Variants in FANCC observed in about 807,000 individuals in gnomAD.
FANCC encodes FA complementation group C.
FANCC carries 55 observed loss-of-function variants against 71.3 expected under a neutral mutation model. The observed-to-expected ratio is 0.77, with a 90% CI of 0.62 to 0.97. The LOEUF is 0.97. FANCC is among the 50% of genes least tolerant of loss of function. The pLI, the probability that FANCC is intolerant of heterozygous loss-of-function variation, is 0.00. For synonymous variants in FANCC, 275 were observed against 244.9 expected (o/e 1.12, Z -1.15); for missense variants, 678 against 670.9 (o/e 1.01, Z -0.12).
intron 4 of FANCC, among the ~76,000 whole-genome samples, chr9:95,183,051 A>G (rs1826476316): frequency 6.6e-6 from 1 of 152,108 alleles, no homozygotes; most frequent in African/African-American, 2.4e-5. Flanking sequence ...ACTTGGTGAC[A>G]TCAGACTCCT....
chr9:95,230,943 T>C (rs1045991926), intron 4 of FANCC, among the ~76,000 whole-genome samples: 1 of 151,870 alleles, frequency 6.6e-6, no homozygotes, highest in South Asian at 2.1e-4. Flanking sequence ...AGAGTGCTGA[T>C]TGGTGTGTTT....
intron 4 of FANCC, among the ~76,000 whole-genome samples, chr9:95,228,610 A>T (rs965889632): frequency 3.3e-5 from 5 of 152,180 alleles, no homozygotes; most frequent in African/African-American, 1.2e-4. Flanking sequence ...GGTAATGGGG[A>T]GACAGAAAAA....
intron 1 of FANCC, among the ~76,000 whole-genome samples, chr9:95,312,379 T>A (rs1472879592): frequency 2.0e-5 from 3 of 152,214 alleles, no homozygotes; most frequent in Non-Finnish European, 2.9e-5. Context: ...ATTTTCTTTT[T>A]TAGAGAGAGG....
At chr9:95,285,968 T>C (rs1219428433) in intron 1 of FANCC, among the ~76,000 whole-genome samples, 1 of 152,210 alleles carries the variant, frequency 6.6e-6, no homozygotes, top group African/African-American at 2.4e-5. Flanking sequence ...AATTATATAA[T>C]TTGTAATACA....
chr9:95,243,118 A>C (rs949502438), intron 3 of FANCC, among the ~76,000 whole-genome samples: 1 of 152,232 alleles, frequency 6.6e-6, no homozygotes, highest in Non-Finnish European at 1.5e-5. Flanking sequence ...AAAAGTATGA[A>C]GGCAGCAAAT....
At chr9:95,155,450 T>C (rs749761517) in intron 6 of FANCC, among the ~76,000 whole-genome samples, 8 of 152,206 alleles carry the variant, frequency 5.3e-5, no homozygotes, top group East Asian at 1.9e-4. Context: ...AAGTAGCTCA[T>C]TAAAAACTAA....
intron 1 of FANCC, among the ~76,000 whole-genome samples, chr9:95,291,832 C>T (rs1017981812): frequency 4.0e-5 from 6 of 149,952 alleles, no homozygotes; most frequent in South Asian, 2.1e-4. Context: ...CCTGTAGTCC[C>T]GGTTACTCGG....
In FANCC at chr9:95,167,027, T is replaced by C. The variant is rs532697802; in HGVS notation, c.521+4052A>G. Among the ~76,000 whole-genome samples, 3 of 152,342 alleles carry C rather than the reference T, an allele frequency of 2.0e-5. No individual in the cohort carries two copies. The South Asian group carries it at 6.2e-4, about 32-fold the overall frequency. ...CCTTCAGCTTTTGTTTATCTGGGAA[T>C]GTCTTTTTTTCTTCATTTTTTGAAG... On this transcript the variant is annotated intron_variant, in intron 6 of 14. Coordinates refer to ENST00000289081, the MANE Select transcript of FANCC (RefSeq NM_000136.3).
intron 4 of FANCC, among the ~76,000 whole-genome samples, chr9:95,206,734 C>CT (rs764551802): frequency 6.6e-6 from 1 of 152,180 alleles, no homozygotes; most frequent in Non-Finnish European, 1.5e-5. Flanking sequence ...ACCCTTACAT[C>CT]TGTCCAGTGA....
chr9:95,135,094 T>G (rs1356390830), intron 8 of FANCC, among the ~76,000 whole-genome samples: 3 of 152,214 alleles, frequency 2.0e-5, no homozygotes, highest in Non-Finnish European at 2.9e-5. Context: ...GTTGTGCAAA[T>G]GTCAATTCTT....
At chr9:95,245,273 T>C (rs1036210133) in intron 3 of FANCC, among the ~76,000 whole-genome samples, 1 of 152,138 alleles carries the variant, frequency 6.6e-6, no homozygotes, top group Non-Finnish European at 1.5e-5. Flanking sequence ...TCAAGGGTTA[T>C]GAAATCCAGT....
At chr9:95,148,021 GAT>G (rs749721356) in intron 7 of FANCC, among the ~76,000 whole-genome samples, 2 of 152,082 alleles carry the variant, frequency 1.3e-5, no homozygotes, top group Admixed American at 6.6e-5. Flanking sequence ...CATTTGCACT[GAT>G]AGCGCAAAAG....
In FANCC at chr9:95,277,894, T is replaced by C. The variant is rs371411884; in HGVS notation, c.-78-28525A>G. Among the ~76,000 whole-genome samples the C allele has an allele frequency of 2.6e-5, 4 of 152,126 alleles. No homozygotes were observed. The East Asian group carries it at 5.8e-4, about 22-fold the overall frequency. ...GAATTTGTTGCTAGAAAACCCACTT[T>C]GCAAAAAAAAGTGAATTAATACCAG... On this transcript the variant is annotated intron_variant, in intron 1 of 14. Coordinates refer to ENST00000289081, the MANE Select transcript of FANCC (RefSeq NM_000136.3).
chr9:95,101,462 A>T lies in FANCC; in HGVS notation c.*245T>A. On this transcript the variant is annotated 3_prime_UTR_variant, in exon 15 of 15. Coordinates refer to ENST00000289081, the MANE Select transcript of FANCC (RefSeq NM_000136.3). ...AAGCTGACGGTCTGGCCGGGCGGGC[A>T]CCAGGAGTACCGAAGGCTCACTTGA... 1 of 565,520 alleles carries T rather than the reference A, an allele frequency of 1.8e-6. No homozygotes were observed. Among genetic ancestry groups the T allele is most frequent in the Non-Finnish European group, 3.2e-6 (1 of 315,160 alleles). The allele number at this position is 565,520 out of a possible 1,614,324, so 35.0% of individuals were successfully genotyped here.
intron 13 of FANCC, chr9:95,110,503 C>T (rs755623110): frequency 1.8e-5 from 19 of 1,030,182 alleles, no homozygotes; most frequent in African/African-American, 3.4e-5. Flanking sequence ...CAAATACATA[C>T]GTGGGTTATA....
At chr9:95,283,868 C>T (rs1219488508) in intron 1 of FANCC, among the ~76,000 whole-genome samples, 2 of 152,164 alleles carry the variant, frequency 1.3e-5, no homozygotes, top group African/African-American at 4.8e-5. Context: ...GGCAGACTGC[C>T]GAAGTTTGAA....
At chr9:95,116,243 CCTA>C (rs1345408117) in intron 11 of FANCC, among the ~76,000 whole-genome samples, 1 of 152,334 alleles carries the variant, frequency 6.6e-6, no homozygotes, top group East Asian at 1.9e-4. Flanking sequence ...GCTGATCTGA[CCTA>C]AGCGTAAGGT....
At chr9:95,128,566 G>T (rs1010954911) in intron 8 of FANCC, among the ~76,000 whole-genome samples, 19 of 152,300 alleles carry the variant, frequency 1.2e-4, no homozygotes, top group African/African-American at 3.6e-4. Context: ...ATGTAGATTA[G>T]GGCTACTATG....
At chr9:95,116,420 G>C (rs949998473) in intron 11 of FANCC, among the ~76,000 whole-genome samples, 5 of 152,224 alleles carry the variant, frequency 3.3e-5, no homozygotes, top group Admixed American at 1.3e-4. Context: ...CTCGAAAAAG[G>C]AAGAGGAATT....
Sources: gnomAD v4.1 joint callset for allele counts (sites outside exome capture counted in the v4.1 genomes callset) on GRCh38, gnomAD v4.1.1 for gene constraint, MANE v1.5 for transcripts, NCBI Gene and HGNC (gene_info 2026-07-23, HGNC 2026-07-21) for gene names.